The following CHD7 variants were observed in gnomAD, a reference collection of about 807,000 sequenced individuals.
The protein encoded by CHD7 is ATP-dependent chromatin remodeler CHD7.
Under a neutral mutation model 307.3 loss-of-function variants are expected in CHD7, and 24 were observed. The observed-to-expected ratio is 0.08, with a 90% CI of 0.06 to 0.11. CHD7 has a LOEUF of 0.11. Among genes scored for constraint, CHD7 ranks in the 10% least tolerant of loss-of-function variants. The pLI is 1.00. For missense variants in CHD7, 3,106 were observed against 3,727.1 expected (o/e 0.83, Z 4.34); for synonymous variants, 1,363 against 1,349.9 (o/e 1.01, Z -0.21).
At chr8:60,796,350 T>G (rs1470585133) in intron 4 of CHD7, among the ~76,000 whole-genome samples, 1 of 152,194 alleles carries the variant, frequency 6.6e-6, no homozygotes, top group Admixed American at 6.5e-5. Context: ...TTGATTTTTG[T>G]TTTTTTACTG....
intron 1 of CHD7, among the ~76,000 whole-genome samples, chr8:60,728,653 C>T (rs1808291744): frequency 6.6e-6 from 1 of 151,970 alleles, no homozygotes; most frequent in Admixed American, 6.6e-5. Context: ...GGACACTGTG[C>T]ACATTTATAG....
In CHD7 at chr8:60,823,945, G is replaced by A; in HGVS notation, c.3307G>A (p.Val1103Ile). The change falls in exon 13 of 38, where the codon GTC (valine) becomes ATC (isoleucine). Residue 1103 changes from valine to isoleucine, a missense_variant. Physicochemically the swap from Val to Ile is conservative, Grantham distance 29. This residue lies in a region of CHD7 where 232 missense variants were observed against 422.5 expected (regional missense o/e 0.55). Coordinates refer to ENST00000423902, the MANE Select transcript of CHD7 (RefSeq NM_017780.4). Reference sequence around the variant, plus strand: ...GCGGAATATTCCATGGCGCTGTGTAGTCATTGATGAAGCCCACAGGCTGAA... The same window carrying A: ...GCGGAATATTCCATGGCGCTGTGTAATCATTGATGAAGCCCACAGGCTGAA... ...ELRNIPWRCV[V>I]IDEAHRLKNR... is the part of the protein sequence containing the mutation. 1.2e-6 allele frequency: 2 copies of A among 1,613,890 alleles called. No individual in the cohort carries two copies. The highest frequency in any genetic ancestry group is 1.7e-6 in the Non-Finnish European group (2 of 1,179,826).
At chr8:60,835,682 T>A (rs557271830) in intron 15 of CHD7, among the ~76,000 whole-genome samples, 3 of 152,390 alleles carry the variant, frequency 2.0e-5, no homozygotes, top group African/African-American at 7.2e-5. Context: ...TTGTTTGTGT[T>A]TATGTTCAGC....
chr8:60,735,155 A>G (rs1377917183), intron 1 of CHD7, among the ~76,000 whole-genome samples: 1 of 152,234 alleles, frequency 6.6e-6, no homozygotes, highest in Non-Finnish European at 1.5e-5. Flanking sequence ...TCAACACTGT[A>G]TACACAGTGT....
At chr8:60,840,699 C>T (rs1354987472) in intron 19 of CHD7, among the ~76,000 whole-genome samples, 2 of 151,462 alleles carry the variant, frequency 1.3e-5, no homozygotes, top group South Asian at 4.2e-4. Flanking sequence ...CTCACTGCAA[C>T]CTCCACCTCC....
Position 60,865,463 on chromosome 8 carries a change from A to G in CHD7, c.8524A>G (p.Lys2842Glu). The change falls in exon 38 of 38, where the codon AAA becomes GAA. Residue 2842 changes from lysine to glutamate, a missense_variant. By Grantham distance (56) the Lys-to-Glu change is moderately conservative (BLOSUM62 1). Transcript: ENST00000423902. This position sits in a 1 kb window ranked among gnomAD's most constrained non-coding sequence, Gnocchi z 4.3. ...AGGAGAACCGGAAGACAGCACTTCA[A>G]AAGGAGAGGAGAAAGGAAATGAGAA... ...SQGEPEDSTS[K>E]GEEKGNENED... 1 of 1,614,060 alleles carries G rather than the reference A, an allele frequency of 6.2e-7. No homozygotes were observed. The highest frequency in any genetic ancestry group is 2.2e-5 in the East Asian group (1 of 44,886).
chr8:60,849,377 G>T (rs1805352463), intron 25 of CHD7, among the ~76,000 whole-genome samples: 1 of 152,124 alleles, frequency 6.6e-6, no homozygotes. Flanking sequence ...TTTCTTTCTT[G>T]GCTGTAAATA....
intron 4 of CHD7, among the ~76,000 whole-genome samples, chr8:60,796,598 A>G (rs963661605): frequency 7.1e-6 from 1 of 140,690 alleles, no homozygotes; most frequent in Non-Finnish European, 1.5e-5. Flanking sequence ...GATGGACCTT[A>G]TGAAATACTA....
intron 37 of CHD7, chr8:60,864,008 A>T (rs1377400488): frequency 6.6e-6 from 1 of 151,976 alleles, no homozygotes; most frequent in Non-Finnish European, 1.5e-5. Flanking sequence ...CTGAGATTAC[A>T]GGTGTGAGCC....
intron 3 of CHD7, among the ~76,000 whole-genome samples, chr8:60,794,779 T>C (rs1235130423): frequency 6.6e-6 from 1 of 152,226 alleles, no homozygotes; most frequent in Admixed American, 6.5e-5. Context: ...GCAGTTTATT[T>C]TTAATTAGGT....
At chr8:60,793,907 G>A (rs1320151375) in intron 3 of CHD7, among the ~76,000 whole-genome samples, 2 of 152,186 alleles carry the variant, frequency 1.3e-5, no homozygotes, top group Non-Finnish European at 1.5e-5. Flanking sequence ...TGGATCACCT[G>A]AGGTCAGGAG....
intron 21 of CHD7, among the ~76,000 whole-genome samples, chr8:60,844,114 C>T (rs553003023): frequency 1.2e-4 from 19 of 152,320 alleles, no homozygotes; most frequent in Non-Finnish European, 2.5e-4. Context: ...TGCCTGCCCC[C>T]GTACCTATTT....
In CHD7 at chr8:60,841,851, A is replaced by G; in HGVS notation, c.4649A>G (p.Asn1550Ser). ...TATCTCCTCTTTTATTATTAGAACA[A>G]CCTGGTTATTGATACTCCAAGAGTG... ...LDIDALNGRN[N>S]LVIDTPRVRK... Residue 1550 changes from asparagine to serine, a missense_variant, in exon 21 of 38, where the codon AAC (asparagine) becomes AGC (serine). Asn to Ser is a conservative substitution (Grantham distance 46, BLOSUM62 1). Transcript: ENST00000423902. 1 of 1,607,568 alleles carries G rather than the reference A, an allele frequency of 6.2e-7. No individual in the cohort carries two copies. Among genetic ancestry groups the G allele is most frequent in the Non-Finnish European group, 8.5e-7 (1 of 1,176,440 alleles).
intron 3 of CHD7, among the ~76,000 whole-genome samples, chr8:60,791,443 T>C (rs1331961592): frequency 3.9e-5 from 6 of 152,240 alleles, no homozygotes; most frequent in Non-Finnish European, 5.9e-5. Context: ...TTATCTTCAA[T>C]ATTGCAATGT....
chr8:60,791,509 T>C (rs1396218489), intron 3 of CHD7, among the ~76,000 whole-genome samples: 1 of 152,228 alleles, frequency 6.6e-6, no homozygotes, highest in African/African-American at 2.4e-5. Flanking sequence ...CCTAGAACAG[T>C]GGCCCTTTTC....
At chr8:60,695,221 G>T (rs961925976) in intron 1 of CHD7, among the ~76,000 whole-genome samples, 1 of 152,092 alleles carries the variant, frequency 6.6e-6, no homozygotes, top group Non-Finnish European at 1.5e-5. Context: ...CCTTAGAAAG[G>T]TTTAGAAATA....
intron 1 of CHD7, among the ~76,000 whole-genome samples, chr8:60,727,723 G>A (rs1808242289): frequency 6.6e-6 from 1 of 152,118 alleles, no homozygotes; most frequent in African/African-American, 2.4e-5. Flanking sequence ...TCTTCCTTCT[G>A]TTTGTCAATG....
At chr8:60,837,960 C>A in intron 18 of CHD7, 116 bp from the exon 19 acceptor site, 1 of 1,259,442 alleles carries the variant, frequency 7.9e-7, no homozygotes, top group Non-Finnish European at 1.1e-6. Context: ...TTTTGTAACA[C>A]TTTCCTTTGT....
At chr8:60,794,802 A>G (rs1025899840) in intron 3 of CHD7, among the ~76,000 whole-genome samples, 184 bp from the exon 4 acceptor site, 5 of 152,208 alleles carry the variant, frequency 3.3e-5, no homozygotes. Context: ...TATATTTGCT[A>G]AAAGTCATTA....
Sources: gnomAD v4.1 joint callset for allele counts (sites outside exome capture counted in the v4.1 genomes callset) on GRCh38, gnomAD v4.1.1 for gene constraint, gnomAD v4.1.1 regional missense constraint, Gnocchi (gnomAD v3.1) non-coding constraint, MANE v1.5 for transcripts, NCBI Gene and HGNC (gene_info 2026-07-23, HGNC 2026-07-21) for gene names.